SCAPER: variants seen among roughly 807,000 people sequenced by gnomAD.
The protein encoded by SCAPER is S-phase cyclin A associated protein in the ER, also known as S phase cyclin A-associated protein in the endoplasmic reticulum.
Under a neutral mutation model 182.2 loss-of-function variants are expected in SCAPER, and 98 were observed. That is an observed-to-expected ratio of 0.54 (90% CI 0.46 to 0.64). The LOEUF is 0.64. SCAPER is among the 30% of genes least tolerant of loss of function. SCAPER has a pLI of 0.00. For synonymous variants in SCAPER, 605 were observed against 564.6 expected (o/e 1.07, Z -1.01); for missense variants, 1,432 against 1,690.0 (o/e 0.85, Z 2.68).
intron 1 of SCAPER, among the ~76,000 whole-genome samples, chr15:76,902,155 C>T (rs966172269): frequency 2.0e-5 from 3 of 152,180 alleles, no homozygotes; most frequent in African/African-American, 7.2e-5. Flanking sequence ...CCATGGAATA[C>T]TATGCAGCCA....
rs1386009771 is a variant in SCAPER at position 76,652,276 on chromosome 15, ATAT to A, written c.2645+13374_2645+13376del. ...TCTGCTAAAAAAAAAAAAAAAAAAT[ATAT>A]ATATATATATATATATATATATATA... On this transcript the variant is annotated intron_variant, in intron 21 of 31. Transcript: ENST00000563290. Among the ~76,000 whole-genome samples the A allele has an allele frequency of 8.8e-3, 87 of 9,852 alleles. 6 individuals are homozygous for A. Among genetic ancestry groups the A allele is most frequent in the South Asian group, 0.016 (2 of 128 alleles). The allele number at this position is 9,852 out of a possible 152,430, so 6.5% of individuals were successfully genotyped here. A position where few individuals can be genotyped will look rare whatever the true frequency, so the allele number is the denominator to read the frequency against.
intron 23 of SCAPER, among the ~76,000 whole-genome samples, chr15:76,524,723 T>C (rs2043073649): frequency 7.2e-6 from 1 of 138,124 alleles, no homozygotes; most frequent in Non-Finnish European, 1.6e-5. Context: ...TTTTTACCAT[T>C]CATGTAAAGA....
chr15:76,461,903 C>A (rs2049212070), intron 25 of SCAPER, among the ~76,000 whole-genome samples: 1 of 152,156 alleles, frequency 6.6e-6, no homozygotes, highest in Non-Finnish European at 1.5e-5. Context: ...ACTCAAACTG[C>A]AAAACTCTAC....
At position 76,708,877 on chromosome 15, in the gene SCAPER, C is replaced by T. The variant is rs145645310; in HGVS notation, c.2166-2893G>A. Among the ~76,000 whole-genome samples the T allele has an allele frequency of 7.5e-3, 1,137 of 152,040 alleles. 19 individuals carry two copies. Among genetic ancestry groups the T allele is most frequent in the African/African-American group, 0.026 (1,083 of 41,488 alleles). ...GGTCAGGAGTTCAAGACCAGCCTGGCCAACATGGTGGAACCCTGTCTCTAC... is the reference window on the plus strand; with the variant it reads ...GGTCAGGAGTTCAAGACCAGCCTGGTCAACATGGTGGAACCCTGTCTCTAC... On this transcript the variant is annotated intron_variant, in intron 17 of 31. Transcript: ENST00000563290.
intron 5 of SCAPER, among the ~76,000 whole-genome samples, chr15:76,827,602 G>A (rs986846743): frequency 2.0e-5 from 3 of 152,034 alleles, no homozygotes; most frequent in Admixed American, 1.3e-4. Context: ...ACACTTCATC[G>A]GAGAGTAATA....
chr15:76,716,284 C>T (rs1348615614), intron 17 of SCAPER, among the ~76,000 whole-genome samples: 2 of 152,066 alleles, frequency 1.3e-5, no homozygotes, highest in African/African-American at 2.4e-5. Context: ...TACACCCAAG[C>T]GGTACCCTCA....
intron 22 of SCAPER, among the ~76,000 whole-genome samples, chr15:76,579,351 A>C (rs2048098986): frequency 6.6e-6 from 1 of 151,828 alleles, no homozygotes. Context: ...GAAACAACAA[A>C]AAGTGAAAAA....
intron 23 of SCAPER, among the ~76,000 whole-genome samples, chr15:76,537,703 C>A (rs1026387162): frequency 6.6e-6 from 1 of 151,894 alleles, no homozygotes; most frequent in Non-Finnish European, 1.5e-5. Context: ...GCAACGAAAG[C>A]CAAAATTGAC....
At chr15:76,397,474 C>CTTTTTTTTTTTTTTTTTTTT (rs71143321) in intron 27 of SCAPER, among the ~76,000 whole-genome samples, 1 of 71,540 alleles carries the variant, frequency 1.4e-5, no homozygotes, top group Non-Finnish European at 2.5e-5. Context: ...TATTGGCAGA[C>CTTTTTTTTTTTTTTTTTTTT]TTTTTTTTTT....
At chr15:76,635,930 T>C (rs939577774) in intron 21 of SCAPER, among the ~76,000 whole-genome samples, 1 of 152,230 alleles carries the variant, frequency 6.6e-6, no homozygotes, top group African/African-American at 2.4e-5. Context: ...TGATATATAA[T>C]CTTTAAATAT....
chr15:76,802,744 T>G (rs2151519590), intron 6 of SCAPER, among the ~76,000 whole-genome samples: 1 of 152,270 alleles, frequency 6.6e-6, no homozygotes, highest in Non-Finnish European at 1.5e-5. Flanking sequence ...TTTCACCCAC[T>G]AAGATTGAAC....
intron 26 of SCAPER, among the ~76,000 whole-genome samples, chr15:76,423,977 C>G (rs1365487695): frequency 2.0e-5 from 3 of 152,190 alleles, no homozygotes; most frequent in African/African-American, 7.2e-5. Flanking sequence ...GCACTGTGGT[C>G]TGAGAGACAG....
chr15:76,363,077 C>T (rs372266121), intron 29 of SCAPER, among the ~76,000 whole-genome samples: 16 of 152,322 alleles, frequency 1.1e-4, no homozygotes, highest in South Asian at 8.3e-4. Flanking sequence ...GAACCACATA[C>T]GGCCCTGCTC....
At chr15:76,680,937 G>A (rs1047758487) in intron 20 of SCAPER, among the ~76,000 whole-genome samples, 3 of 152,136 alleles carry the variant, frequency 2.0e-5, no homozygotes, top group Admixed American at 6.5e-5. Context: ...TAATACAATT[G>A]AAGACTACAT....
intron 29 of SCAPER, among the ~76,000 whole-genome samples, chr15:76,365,285 G>A (rs1420595749): frequency 6.6e-6 from 1 of 152,208 alleles, no homozygotes; most frequent in Non-Finnish European, 1.5e-5. Flanking sequence ...GAGAAGGAAT[G>A]AGTGATGAAT....
intron 17 of SCAPER, among the ~76,000 whole-genome samples, chr15:76,727,202 T>C (rs562166078): frequency 1.3e-5 from 2 of 152,022 alleles, no homozygotes; most frequent in Non-Finnish European, 2.9e-5. Context: ...AACACCTGAA[T>C]TTATAGATTC....
At chr15:76,650,623 G>A (rs1373147238) in intron 21 of SCAPER, among the ~76,000 whole-genome samples, 3 of 152,016 alleles carry the variant, frequency 2.0e-5, no homozygotes, top group Non-Finnish European at 4.4e-5. Flanking sequence ...ATATCAGAGA[G>A]ACAATACTAC....
intron 1 of SCAPER, among the ~76,000 whole-genome samples, chr15:76,893,048 A>G (rs2152605901): frequency 6.6e-6 from 1 of 152,314 alleles, no homozygotes; most frequent in East Asian, 1.9e-4. Context: ...GGAAACCATT[A>G]TTCTCAGCAA....
intron 23 of SCAPER, among the ~76,000 whole-genome samples, chr15:76,540,230 G>A (rs934583977): frequency 6.6e-6 from 1 of 152,020 alleles, no homozygotes; most frequent in Non-Finnish European, 1.5e-5. Flanking sequence ...GCAAGACCCT[G>A]TCTCTACAAA....
Sources: gnomAD v4.1 joint callset for allele counts (sites outside exome capture counted in the v4.1 genomes callset) on GRCh38, gnomAD v4.1.1 for gene constraint, MANE v1.5 for transcripts, NCBI Gene and HGNC (gene_info 2026-07-23, HGNC 2026-07-21) for gene names.